Variants in ZBTB45 observed in about 807,000 individuals in gnomAD.
ZBTB45 encodes zinc finger and BTB domain-containing protein 45.
In ZBTB45, 22 loss-of-function variants were observed where a neutral mutation model predicts 28.4. That is an observed-to-expected ratio of 0.77 (90% CI 0.55 to 1.10). The LOEUF (loss-of-function observed/expected upper bound fraction) is 1.10, where lower values mean the gene tolerates loss of function less well. ZBTB45 is among the 50% of genes least tolerant of loss of function. The pLI, the probability that ZBTB45 is intolerant of heterozygous loss-of-function variation, is 0.00. For synonymous variants in ZBTB45, 361 were observed against 332.3 expected (o/e 1.09, Z -0.94); for missense variants, 656 against 750.2 (o/e 0.87, Z 1.47).
At position 58,516,312 on chromosome 19, in the gene ZBTB45, G is replaced by A; in HGVS notation, c.1279+83C>T. 1.3e-6 allele frequency: 2 copies of A among 1,533,164 alleles called. No individual in the cohort carries two copies. The highest frequency in any genetic ancestry group is 2.3e-5 in the East Asian group (1 of 43,538). The allele number at this position is 1,533,164 out of a possible 1,614,324, so 95.0% of individuals were successfully genotyped here. ...CCAAAAGTAACAGAACAGTGCCAGT[G>A]CCCTGTAACTAGTGCTCAATTCCCC... On this transcript the variant is annotated intron_variant, in intron 2 of 2. Coordinates refer to ENST00000594051, the MANE Select transcript of ZBTB45 (RefSeq NM_001316979.2). The surrounding 1 kb of genome is among the most constrained non-coding windows in gnomAD (Gnocchi z 6.2).
chr19:58,534,588 A>ACT (rs1194600450), intron 1 of ZBTB45, among the ~76,000 whole-genome samples: 1 of 135,376 alleles, frequency 7.4e-6, no homozygotes, highest in Non-Finnish European at 1.6e-5. Flanking sequence ...GCGGAGTCTC[A>ACT]CTCTGTTGCT....
rs773070168 is a variant in ZBTB45 at position 58,516,625 on chromosome 19, G to A, written c.1049C>T (p.Ser350Leu). 6.3e-5 allele frequency: 98 copies of A among 1,561,138 alleles called. 1 individual carries two copies. In the East Asian group the frequency reaches 1.2e-3, roughly 19 times the overall value. Reference sequence around the variant, plus strand: ...GGGTGGGGGCGCAGGGGCTGGCCCCGATGGTGCTGAAGGGGGTGGTGCGGG... The same window carrying A: ...GGGTGGGGGCGCAGGGGCTGGCCCCAATGGTGCTGAAGGGGGTGGTGCGGG... ...GPPAPPPSAPSGPAPAPPPAF... is the reference protein window; with the variant it reads ...GPPAPPPSAPLGPAPAPPPAF... The change falls in exon 2 of 3, where the codon TCG becomes TTG. Residue 350 changes from serine (S) to leucine (L), a missense_variant. Ser to Leu is a moderately radical substitution (Grantham distance 145). Transcript: ENST00000594051. This position sits in a 1 kb window ranked among gnomAD's most constrained non-coding sequence, Gnocchi z 6.2.
chr19:58,530,925 C>T (rs2053632890), intron 1 of ZBTB45, among the ~76,000 whole-genome samples: 1 of 152,044 alleles, frequency 6.6e-6, no homozygotes, highest in South Asian at 2.1e-4. Flanking sequence ...CCTCATGATC[C>T]ACCTGCCTTG....
chr19:58,522,647 AC>A (rs2053584920), upstream of ZBTB45, among the ~76,000 whole-genome samples: 1 of 152,144 alleles, frequency 6.6e-6, no homozygotes, highest in South Asian at 2.1e-4. Context: ...GAACAAAAAA[AC>A]AACAAAAAAC....
At chr19:58,521,144 CATG>C (rs2053574850), upstream of ZBTB45, among the ~76,000 whole-genome samples, 1 of 138,348 alleles carries the variant, frequency 7.2e-6, no homozygotes, top group South Asian at 2.4e-4. Flanking sequence ...GCGGGCGGAT[CATG>C]AGGTCAGGAG....
At chr19:58,538,778 A>C (rs1401292664) in exon 1 of ZBTB45, 2 of 152,264 alleles carry the variant, frequency 1.3e-5, no homozygotes, top group Non-Finnish European at 2.9e-5. Flanking sequence ...CATCCTCCGG[A>C]AGCTGCCACC....
In ZBTB45 at chr19:58,517,343, T is replaced by A; in HGVS notation, c.331A>T (p.Ile111Leu). ...GTGCATTCGTCGATAACTGTCTGTA[T>A]GCGAAGCACTGACGCGGCCGTGAGC... ...QVLTAASVLRIQTVIDECTQI... is the reference protein window; with the variant it reads ...QVLTAASVLRLQTVIDECTQI... The change falls in exon 2 of 3, where the codon ATA becomes TTA. Residue 111 changes from isoleucine to leucine, a missense_variant. Coordinates refer to ENST00000594051, the MANE Select transcript of ZBTB45 (RefSeq NM_001316979.2). 1 of 1,611,734 alleles carries A rather than the reference T, an allele frequency of 6.2e-7. No homozygotes were observed. The highest frequency in any genetic ancestry group is 2.2e-5 in the East Asian group (1 of 44,852).
chr19:58,521,271 G>C (rs1453489871), upstream of ZBTB45, among the ~76,000 whole-genome samples: 1 of 150,566 alleles, frequency 6.6e-6, no homozygotes, highest in African/African-American at 2.4e-5. Context: ...GGAGGCTGAG[G>C]CAGGAGAATG....
chr19:58,526,522 ATTATTTTTTTT>A (rs2053607801), intron 1 of ZBTB45, among the ~76,000 whole-genome samples: 1 of 58,290 alleles, frequency 1.7e-5, no homozygotes, highest in Non-Finnish European at 3.9e-5. Context: ...TATTATTATT[ATTATTTTTTTT>A]TTTTTTTTTT....
chr19:58,524,221 G>T (rs1309365058), upstream of ZBTB45, among the ~76,000 whole-genome samples: 1 of 150,988 alleles, frequency 6.6e-6, no homozygotes, highest in African/African-American at 2.4e-5. Context: ...AATTAGCCAG[G>T]CGTGGTGGTG....
chr19:58,514,357 T>TCCCCGCCCCCACCCCA, intron 2 of ZBTB45, 47 bp from the exon 3 acceptor site: 2 of 1,395,250 alleles, frequency 1.4e-6, no homozygotes, highest in Non-Finnish European at 1.9e-6. Context: ...ACTCTACAGC[T>TCCCCGCCCCCACCCCA]CCCCGCCCCC....
rs2053477352 is a variant in ZBTB45 at position 58,515,300 on chromosome 19, AG to A, written c.1280-991del. Among the ~76,000 whole-genome samples the A allele has an allele frequency of 6.7e-6, 1 of 149,890 alleles. No homozygotes were observed. The highest frequency in any genetic ancestry group is 1.5e-5 in the Non-Finnish European group (1 of 67,492). On this transcript the variant is annotated intron_variant, in intron 2 of 2. Coordinates refer to ENST00000594051, the MANE Select transcript of ZBTB45 (RefSeq NM_001316979.2). This position sits in a 1 kb window ranked among gnomAD's most constrained non-coding sequence, Gnocchi z 4.7. ...CACTGCACTCCAGCCTGGGCAACAG[AG>A]GGAGACTCGGTCTCAAAAAAAATTA...
chr19:58,528,523 G>C (rs1409632556), intron 1 of ZBTB45, among the ~76,000 whole-genome samples: 1 of 151,882 alleles, frequency 6.6e-6, no homozygotes, highest in South Asian at 2.1e-4. Context: ...ACTTTGGGAG[G>C]CTGAGGTGGG....
chr19:58,536,250 G>A (rs2053659491), intron 1 of ZBTB45, among the ~76,000 whole-genome samples: 1 of 152,000 alleles, frequency 6.6e-6, no homozygotes, highest in Non-Finnish European at 1.5e-5. Flanking sequence ...TGGATCATGA[G>A]GTCAGGAGAT....
upstream of ZBTB45, among the ~76,000 whole-genome samples, chr19:58,523,833 G>A (rs1210924652): frequency 3.9e-5 from 1 of 25,708 alleles, no homozygotes; most frequent in African/African-American, 5.5e-5. Flanking sequence ...ACCAGGCCCC[G>A]CTAATTTTTT....
chr19:58,531,716 CTT>C (rs1236419602), intron 1 of ZBTB45, among the ~76,000 whole-genome samples: 1 of 152,044 alleles, frequency 6.6e-6, no homozygotes, highest in African/African-American at 2.4e-5. Flanking sequence ...TTCTGGATCT[CTT>C]TTTTTGAGAA....
In ZBTB45 at chr19:58,517,048, T is replaced by A; in HGVS notation, c.626A>T (p.Glu209Val). 6.2e-7 allele frequency: 1 copy of A among 1,613,248 alleles called. No homozygotes were observed. The highest frequency in any genetic ancestry group is 2.2e-5 in the East Asian group (1 of 44,870). ...LSAAPDDRGD[E>V]DDEESDDETD... is the part of the protein sequence containing the mutation. The stretch of plus-strand genomic sequence containing the variant: ...CTCATCGTCACTTTCCTCGTCATCC[T>A]CGTCACCTCGGTCATCAGGGGCCGC... Residue 209 changes from glutamate (E) to valine (V), a missense_variant, in exon 2 of 3, where the codon GAG becomes GTG. Physicochemically the swap from Glu to Val is moderately radical, Grantham distance 121. Around this residue, in one of 3 missense-constraint regions of ZBTB45, gnomAD observed 448 missense variants for 444.3 expected, o/e 1.01. Transcript: ENST00000594051.
chr19:58,525,916 A>G (rs2053604439), intron 1 of ZBTB45, among the ~76,000 whole-genome samples: 1 of 152,186 alleles, frequency 6.6e-6, no homozygotes, highest in African/African-American at 2.4e-5. Flanking sequence ...GTGCCCTTGG[A>G]TTAATTCTGA....
intron 1 of ZBTB45, among the ~76,000 whole-genome samples, chr19:58,525,022 T>C (rs2053600441): frequency 6.6e-6 from 1 of 152,190 alleles, no homozygotes; most frequent in African/African-American, 2.4e-5. Flanking sequence ...CCAGGGTGAC[T>C]GGGCCTCCTC....
Sources: allele counts gnomAD v4.1 joint callset (sites outside exome capture counted in the v4.1 genomes callset), GRCh38; gene constraint gnomAD v4.1.1; regional missense constraint gnomAD v4.1.1; non-coding constraint Gnocchi (gnomAD v3.1); transcripts MANE v1.5; gene names NCBI Gene and HGNC (gene_info 2026-07-23, HGNC 2026-07-21).